Variants in APBB2 observed in about 807,000 individuals in gnomAD.
The protein encoded by APBB2 is amyloid beta precursor protein binding family B member 2, also known as Fe65-like 1.
Under a neutral mutation model 82.5 loss-of-function variants are expected in APBB2, and 38 were observed. The ratio of observed to expected loss-of-function variants is 0.46; its 90% CI spans 0.36 to 0.60. The LOEUF (loss-of-function observed/expected upper bound fraction) is 0.60. Ranked by LOEUF, APBB2 falls within the 20% of genes least tolerant of loss-of-function variation. The pLI is 0.00. For synonymous variants in APBB2, 341 were observed against 368.2 expected (o/e 0.93, Z 0.85); for missense variants, 772 against 972.3 (o/e 0.79, Z 2.74).
At chr4:41,164,990 G>C (rs1179180493) in intron 1 of APBB2, among the ~76,000 whole-genome samples, 2 of 152,180 alleles carry the variant, frequency 1.3e-5, no homozygotes, top group Non-Finnish European at 2.9e-5. Context: ...CTTTAAGTGA[G>C]AATATTTTCC....
intron 6 of APBB2, among the ~76,000 whole-genome samples, chr4:40,977,969 T>C (rs1309582804): frequency 6.6e-6 from 1 of 152,214 alleles, no homozygotes; most frequent in African/African-American, 2.4e-5. Flanking sequence ...GGCTTCATGG[T>C]AGAAGCAGTG....
chr4:41,102,466 G>A (rs369466912), intron 2 of APBB2, among the ~76,000 whole-genome samples: 1 of 152,136 alleles, frequency 6.6e-6, no homozygotes, highest in South Asian at 2.1e-4. Context: ...TAACGCTTGT[G>A]TTTTTTCAAG....
At chr4:41,074,738 T>C (rs1005623708) in intron 3 of APBB2, among the ~76,000 whole-genome samples, 1 of 151,528 alleles carries the variant, frequency 6.6e-6, no homozygotes, top group Non-Finnish European at 1.5e-5. Context: ...GCCTCCCGAG[T>C]AGCTGGGACT....
chr4:41,024,131 T>C (rs1156642377), intron 5 of APBB2, among the ~76,000 whole-genome samples: 1 of 152,222 alleles, frequency 6.6e-6, no homozygotes, highest in East Asian at 1.9e-4. Flanking sequence ...GCTAGCCATA[T>C]GCAAAAGATT....
chr4:41,185,121 GA>G (rs1022030922), intron 1 of APBB2, among the ~76,000 whole-genome samples: 149 of 152,292 alleles, frequency 9.8e-4, no homozygotes, highest in African/African-American at 3.4e-3. Flanking sequence ...TGATTGAATG[GA>G]AATATATGGA....
chr4:41,067,366 G>A (rs1732269051), intron 3 of APBB2, among the ~76,000 whole-genome samples: 2 of 151,464 alleles, frequency 1.3e-5, no homozygotes, highest in South Asian at 4.2e-4. Context: ...CTGAGATCGT[G>A]CCATTGCATA....
intron 4 of APBB2, among the ~76,000 whole-genome samples, chr4:41,045,905 C>T (rs897596016): frequency 1.3e-5 from 2 of 152,036 alleles, no homozygotes; most frequent in African/African-American, 4.8e-5. Context: ...GTGGTAATCT[C>T]CGGGTGACAG....
intron 12 of APBB2, among the ~76,000 whole-genome samples, chr4:40,845,603 A>C (rs1281999866): frequency 6.7e-6 from 1 of 149,718 alleles, no homozygotes; most frequent in South Asian, 2.1e-4. Context: ...AAAAAAAAAA[A>C]AAAAAAAAAA....
chr4:40,928,387 A>AAC (rs34694637), intron 10 of APBB2, among the ~76,000 whole-genome samples: 21,364 of 112,672 alleles, frequency 0.19, 2,017 homozygotes, highest in Non-Finnish European at 0.25. Flanking sequence ...TACTAAAGAA[A>AAC]ACACACACAC....
chr4:40,929,882 A>G (rs1783635439), intron 10 of APBB2, among the ~76,000 whole-genome samples: 1 of 152,214 alleles, frequency 6.6e-6, no homozygotes, highest in Non-Finnish European at 1.5e-5. Flanking sequence ...TATTTTTATG[A>G]AGTTGTAGCT....
chr4:40,826,372 C>CA lies in APBB2; in HGVS notation c.1733-403_1733-402insT, dbSNP rs1749926605. ...CTGAGTTCCCCCAGTAATCAACCCA[C>CA]GTTTTTTTTTTTTTAGAGACAAGAG... On this transcript the variant is annotated intron_variant, in intron 14 of 17. Coordinates refer to ENST00000508593, the MANE Select transcript of APBB2 (RefSeq NM_004307.2). The surrounding 1 kb of genome is among the most constrained non-coding windows in gnomAD (Gnocchi z 4.5). Among the ~76,000 whole-genome samples, 3 of 136,608 alleles carry CA rather than the reference C, an allele frequency of 2.2e-5. No individual in the cohort carries two copies. The highest frequency in any genetic ancestry group is 5.2e-5 in the African/African-American group (2 of 38,116). The allele number at this position is 136,608 out of a possible 152,430, so 89.6% of individuals were successfully genotyped here. A position where few individuals can be genotyped will look rare whatever the true frequency, so the allele number is the denominator to read the frequency against.
intron 1 of APBB2, among the ~76,000 whole-genome samples, chr4:41,150,098 C>T (rs1307703426): frequency 6.6e-6 from 1 of 152,086 alleles, no homozygotes; most frequent in Non-Finnish European, 1.5e-5. Flanking sequence ...TCAACTGTTC[C>T]CAGATGATGC....
chr4:40,999,491 A>T (rs1327250167), intron 6 of APBB2, among the ~76,000 whole-genome samples: 1 of 152,208 alleles, frequency 6.6e-6, no homozygotes, highest in Non-Finnish European at 1.5e-5. Flanking sequence ...GGCACTGTTT[A>T]TTCTAGGCAC....
intron 6 of APBB2, among the ~76,000 whole-genome samples, chr4:40,964,458 A>AT (rs59599999): frequency 6.7e-6 from 1 of 148,202 alleles, no homozygotes; most frequent in Non-Finnish European, 1.5e-5. Flanking sequence ...TAAACAAATC[A>AT]TTTTTTTCCC....
chr4:41,091,104 C>T (rs575867638), intron 3 of APBB2, among the ~76,000 whole-genome samples: 3 of 152,182 alleles, frequency 2.0e-5, no homozygotes, highest in Non-Finnish European at 4.4e-5. Context: ...CTGAACTCAT[C>T]CCCCATCTAT....
At chr4:41,045,218 T>C (rs567166616) in intron 4 of APBB2, among the ~76,000 whole-genome samples, 1 of 152,184 alleles carries the variant, frequency 6.6e-6, no homozygotes, top group Non-Finnish European at 1.5e-5. Context: ...CGCTGCTCTT[T>C]CATCTCCTGT....
At chr4:41,037,265 G>T (rs2154445283) in intron 4 of APBB2, among the ~76,000 whole-genome samples, 1 of 152,268 alleles carries the variant, frequency 6.6e-6, no homozygotes, top group African/African-American at 2.4e-5. Context: ...AGTGTAAAAT[G>T]CACGCTGATT....
intron 12 of APBB2, among the ~76,000 whole-genome samples, chr4:40,863,432 T>A (rs1444224256): frequency 6.6e-6 from 1 of 152,190 alleles, no homozygotes; most frequent in African/African-American, 2.4e-5. Context: ...TCTGATTCAG[T>A]GGGTCTGGGT....
intron 2 of APBB2, among the ~76,000 whole-genome samples, chr4:41,121,185 G>A (rs1392697003): frequency 1.3e-5 from 2 of 152,156 alleles, no homozygotes; most frequent in Non-Finnish European, 2.9e-5. Flanking sequence ...TTAATGTCCT[G>A]CTTACTGTAT....
Sources: allele counts gnomAD v4.1 joint callset (sites outside exome capture counted in the v4.1 genomes callset), GRCh38; gene constraint gnomAD v4.1.1; non-coding constraint Gnocchi (gnomAD v3.1); transcripts MANE v1.5; gene names NCBI Gene and HGNC (gene_info 2026-07-23, HGNC 2026-07-21).